Variants in PUDP observed in about 807,000 individuals in gnomAD.
PUDP encodes pseudouridine-5'-phosphatase.
PUDP carries 8 observed loss-of-function variants against 9.4 expected under a neutral mutation model. That is an observed-to-expected ratio of 0.85 (90% CI 0.50 to 1.53). PUDP has a LOEUF of 1.53. Among genes scored for constraint, PUDP ranks in the 40% most tolerant of loss-of-function variants. PUDP has a pLI of 0.00. For synonymous variants in PUDP, 99 were observed against 80.7 expected, an observed-to-expected ratio of 1.23 and a Z score of -1.22; for missense variants, 188 against 189.7, an observed-to-expected ratio of 0.99 and a Z score of 0.05.
intron 1 of PUDP, among the ~76,000 whole-genome samples, chrX:6,711,064 A>T (rs1924526662): frequency 1.8e-5 from 2 of 112,037 alleles, no homozygotes; most frequent in Admixed American, 9.5e-5. Context: ...GGGACAAGAG[A>T]AAACATCCCC....
chrX:6,709,560 T>C (rs1375931641), intron 1 of PUDP, among the ~76,000 whole-genome samples: 1 of 112,092 alleles, frequency 8.9e-6, no homozygotes, highest in Admixed American at 9.5e-5. Context: ...ACGAGAGTCA[T>C]TGACAGTCTC....
intron 1 of PUDP, among the ~76,000 whole-genome samples, chrX:6,992,330 T>G (rs1214298713): frequency 4.6e-5 from 3 of 65,176 alleles, no homozygotes; most frequent in Admixed American, 1.9e-4. Context: ...TGGAGTGCAG[T>G]GGCGCAATCT....
At chrX:7,135,011 G>A (rs972590491) in intron 1 of PUDP, among the ~76,000 whole-genome samples, 13 of 112,070 alleles carry the variant, frequency 1.2e-4, no homozygotes, top group African/African-American at 4.2e-4. Context: ...CGTATGAACA[G>A]GTAACCTCCA....
chrX:7,050,303 T>C lies in PUDP; in HGVS notation c.680A>G (p.Tyr227Cys), dbSNP rs202174578. The change falls in exon 4 of 4, where the codon TAT becomes TGT. Residue 227 changes from tyrosine (Y) to cysteine (C), a missense_variant. Tyr to Cys is a radical substitution (Grantham distance 194). Coordinates refer to ENST00000381077, the MANE Select transcript of PUDP (RefSeq NM_012080.5). ...FQPELFGLPS[Y>C]E ...AGACTGAGGCCCTCCCTCTCACTCATAGGAGGGCAAACCAAACAGCTCGGG... is the reference window on the plus strand; with the variant it reads ...AGACTGAGGCCCTCCCTCTCACTCACAGGAGGGCAAACCAAACAGCTCGGG... 5.4e-5 allele frequency: 65 copies of C among 1,208,319 alleles called. No individual in the cohort carries two copies. The highest frequency in any genetic ancestry group is 4.6e-4 in the Middle Eastern group (2 of 4,329).
At chrX:6,894,200 C>T (rs1365268226) in intron 3 of PUDP, among the ~76,000 whole-genome samples, 1 of 111,135 alleles carries the variant, frequency 9.0e-6, no homozygotes, top group Non-Finnish European at 1.9e-5. Flanking sequence ...CACCATGGCA[C>T]ATGCTTACCT....
intron 3 of PUDP, among the ~76,000 whole-genome samples, chrX:6,958,844 T>C (rs780961499): frequency 9.9e-5 from 11 of 111,538 alleles, no homozygotes; most frequent in African/African-American, 3.6e-4. Flanking sequence ...GGCCATCCTT[T>C]TTACCAAGTG....
At chrX:6,730,484 CT>C (rs761167241) in intron 3 of PUDP, among the ~76,000 whole-genome samples, 4 of 112,106 alleles carry the variant, frequency 3.6e-5, no homozygotes, top group Non-Finnish European at 7.5e-5. Context: ...CCAATCCTGT[CT>C]TCCCATCCTC....
chrX:6,799,851 A>T (rs753207230), intron 3 of PUDP, among the ~76,000 whole-genome samples: 14 of 111,800 alleles, frequency 1.3e-4, no homozygotes, highest in African/African-American at 2.0e-4. Context: ...AAAATAATAA[A>T]AAAAAAATAA....
chrX:6,946,042 G>A (rs1272512288), intron 3 of PUDP, among the ~76,000 whole-genome samples: 2 of 110,959 alleles, frequency 1.8e-5, no homozygotes, highest in African/African-American at 3.3e-5. Flanking sequence ...TCAACCAACC[G>A]CCCGATGCTG....
intron 3 of PUDP, among the ~76,000 whole-genome samples, chrX:6,760,586 C>A: frequency 8.9e-6 from 1 of 111,775 alleles, no homozygotes; most frequent in Non-Finnish European, 1.9e-5. Context: ...AATTAACTAC[C>A]CAAAGTCAGG....
At chrX:7,118,044 A>G (rs1932244596) in intron 1 of PUDP, among the ~76,000 whole-genome samples, 1 of 113,162 alleles carries the variant, frequency 8.8e-6, no homozygotes, top group African/African-American at 3.2e-5. Flanking sequence ...GGACTCAGGC[A>G]TTTCTTTATA....
intron 3 of PUDP, among the ~76,000 whole-genome samples, chrX:6,891,446 C>T (rs748901167): frequency 8.9e-6 from 1 of 111,995 alleles, no homozygotes; most frequent in South Asian, 3.8e-4. Context: ...CTCTGCCTTC[C>T]CCTTTCTTTC....
chrX:6,887,696 AG>A (rs1241826373), intron 3 of PUDP, among the ~76,000 whole-genome samples: 1 of 112,330 alleles, frequency 8.9e-6, no homozygotes, highest in Non-Finnish European at 1.9e-5. Context: ...TCAGTCATTT[AG>A]TAACAATGCC....
chrX:7,039,304 G>A (rs1309388173), intron 1 of PUDP, among the ~76,000 whole-genome samples: 1 of 111,630 alleles, frequency 9.0e-6, no homozygotes, highest in Middle Eastern at 4.2e-3. Flanking sequence ...CCATCAACAA[G>A]GTTTATTTGA....
At chrX:6,882,267 C>A (rs1283644796) in intron 3 of PUDP, among the ~76,000 whole-genome samples, 4 of 105,555 alleles carry the variant, frequency 3.8e-5, no homozygotes, top group Non-Finnish European at 3.9e-5. Context: ...AAAGTAATTG[C>A]GGTTTTTGCC....
intron 3 of PUDP, among the ~76,000 whole-genome samples, chrX:6,729,329 C>T (rs1924781465): frequency 9.0e-6 from 1 of 111,558 alleles, no homozygotes; most frequent in Admixed American, 9.5e-5. Context: ...AGCCCTGTCC[C>T]CACTTTGAGT....
intron 3 of PUDP, among the ~76,000 whole-genome samples, chrX:6,812,076 A>G (rs1006574005): frequency 2.7e-5 from 3 of 112,466 alleles, no homozygotes; most frequent in Non-Finnish European, 5.6e-5. Context: ...TCAGGAGCAA[A>G]ACAGCACGGT....
chrX:7,077,323 T>C lies in PUDP; in HGVS notation c.407A>G (p.His136Arg). Residue 136 changes from histidine to arginine, a missense_variant, in exon 3 of 4, where the codon CAC becomes CGC. By Grantham distance (29) the His-to-Arg change is conservative. Transcript: ENST00000381077. ...RHKEFFSLFS[H>R]IVLGDDPEVQ... ...TTCGGGGTCATCTCCCAGCACAATG[T>C]GGGAAAACAAGCTGAAGAACTCCTT... is the stretch of plus-strand genomic sequence containing the variant. 2 of 1,210,770 alleles carry C rather than the reference T, an allele frequency of 1.7e-6. No individual in the cohort carries two copies. The highest frequency in any genetic ancestry group is 1.8e-5 in the South Asian group (1 of 56,817).
intron 1 of PUDP, among the ~76,000 whole-genome samples, chrX:7,004,478 T>C (rs1322733524): frequency 8.9e-6 from 1 of 111,854 alleles, no homozygotes; most frequent in African/African-American, 3.3e-5. Context: ...CAAAGACTGA[T>C]ATGAAATAGT....
Sources: gnomAD v4.1 joint callset for allele counts (sites outside exome capture counted in the v4.1 genomes callset) on GRCh38, gnomAD v4.1.1 for gene constraint, MANE v1.5 for transcripts, NCBI Gene and HGNC (gene_info 2026-07-23, HGNC 2026-07-21) for gene names.